Variants in DENND2A observed in about 807,000 individuals in gnomAD.
The protein encoded by DENND2A is DENN domain containing 2A, also known as DENN domain-containing protein 2A.
In DENND2A, 53 loss-of-function variants were observed where a neutral mutation model predicts 105.3. The observed-to-expected ratio is 0.50, with a 90% CI of 0.40 to 0.63. The LOEUF is 0.63. DENND2A is among the 30% of genes least tolerant of loss of function. The pLI is 0.00. For synonymous variants in DENND2A, 522 were observed against 508.4 expected (o/e 1.03, Z -0.36); for missense variants, 1,138 against 1,279.6 (o/e 0.89, Z 1.69).
chr7:140,617,092 A>G (rs1260381660), intron 1 of DENND2A, among the ~76,000 whole-genome samples: 1 of 152,190 alleles, frequency 6.6e-6, no homozygotes, highest in Non-Finnish European at 1.5e-5. Context: ...TCCCGACCTC[A>G]GGTGATCTGC....
rs1388040308 is a variant in DENND2A, at chr7:140,527,585, T to A, written c.2328-90A>T. The A allele has an allele frequency of 1.4e-5, 19 of 1,365,416 alleles. No homozygotes were observed. The highest frequency in any genetic ancestry group is 2.4e-5 in the Admixed American group (1 of 41,072). 84.6% of individuals were successfully genotyped at this position (1,365,416 alleles called of 1,614,324 possible). A position where few individuals can be genotyped will look rare whatever the true frequency, so the allele number is the denominator to read the frequency against. The stretch of plus-strand genomic sequence containing the variant: ...GAGAAGGCTCCTCCCAGAGACAGGA[T>A]GACTAGGAAAGGACACACGTGGATG... On this transcript the variant is annotated intron_variant, in intron 14 of 19. Coordinates refer to ENST00000496613, the MANE Select transcript of DENND2A (RefSeq NM_015689.5). The surrounding 1 kb of genome is among the most constrained non-coding windows in gnomAD (Gnocchi z 4.9).
At chr7:140,569,865 C>A in intron 6 of DENND2A, 127 bp from the exon 7 acceptor site, 2 of 675,188 alleles carry the variant, frequency 3.0e-6, no homozygotes, top group South Asian at 1.7e-5. Context: ...AGAAACTTCC[C>A]ATGGGCTCAT....
At chr7:140,569,847 G>C in intron 6 of DENND2A, 109 bp from the exon 7 acceptor site, 1 of 756,922 alleles carries the variant, frequency 1.3e-6, no homozygotes, top group South Asian at 1.5e-5. Context: ...AGGGCCAGGG[G>C]GAGTGGGAGA....
At chr7:140,576,801 G>A (rs1193830678) in intron 5 of DENND2A, among the ~76,000 whole-genome samples, 1 of 152,186 alleles carries the variant, frequency 6.6e-6, no homozygotes, top group Non-Finnish European at 1.5e-5. Flanking sequence ...ACAAAAAGAA[G>A]GAAGAGGGGC....
At chr7:140,570,029 G>T (rs1798028917) in intron 6 of DENND2A, among the ~76,000 whole-genome samples, 1 of 152,102 alleles carries the variant, frequency 6.6e-6, no homozygotes, top group Non-Finnish European at 1.5e-5. Context: ...TGAGTAGCTG[G>T]GATTACAGGT....
chr7:140,560,153 G>A lies in DENND2A; in HGVS notation c.1780-336C>T, dbSNP rs1416295534. Reference sequence around the variant, plus strand: ...GAGGCTCAGGAATCTGGAAGGCAGAGCCTCTAATCAGGCCTCTCTGTCTCT... The same window carrying A: ...GAGGCTCAGGAATCTGGAAGGCAGAACCTCTAATCAGGCCTCTCTGTCTCT... On this transcript the variant is annotated intron_variant, in intron 9 of 19. Coordinates refer to ENST00000496613, the MANE Select transcript of DENND2A (RefSeq NM_015689.5). Among the ~76,000 whole-genome samples the A allele has an allele frequency of 2.6e-5, 4 of 152,232 alleles. No individual in the cohort carries two copies. In the East Asian group the frequency reaches 7.7e-4, roughly 29 times the overall value.
chr7:140,543,177 G>A (rs981010705), intron 14 of DENND2A, among the ~76,000 whole-genome samples: 5 of 150,000 alleles, frequency 3.3e-5, no homozygotes, highest in East Asian at 2.0e-4. Context: ...GGAGTGCAGT[G>A]GCATGATCAT....
intron 1 of DENND2A, among the ~76,000 whole-genome samples, chr7:140,620,134 TGCATGGA>T (rs1460946412): frequency 2.0e-5 from 3 of 151,872 alleles, no homozygotes; most frequent in Non-Finnish European, 2.9e-5. Flanking sequence ...AGGCGGAGGT[TGCATGGA>T]GCCAAGATTG....
At chr7:140,631,233 G>A (rs781101113) in intron 1 of DENND2A, among the ~76,000 whole-genome samples, 59 of 151,908 alleles carry the variant, frequency 3.9e-4, no homozygotes, top group African/African-American at 1.3e-3. Context: ...GCCAGATTTC[G>A]GGGGTGTGGG....
chr7:140,521,768 C>A, intron 18 of DENND2A, 87 bp downstream of exon 18: 1 of 1,567,354 alleles, frequency 6.4e-7, no homozygotes, highest in Non-Finnish European at 8.7e-7. Context: ...TGTGCCCCTG[C>A]CCTGTGATCT....
At chr7:140,634,938 T>C (rs1800864329) in intron 1 of DENND2A, among the ~76,000 whole-genome samples, 1 of 148,446 alleles carries the variant, frequency 6.7e-6, no homozygotes, top group African/African-American at 2.5e-5. Context: ...CTCCAGCCTG[T>C]GTGACAGAGC....
chr7:140,573,859 G>C lies in DENND2A; in HGVS notation c.1395C>G (p.Phe465Leu), dbSNP rs754210561. ...CGTTCTGTGGGTCTCCAAGGTTAAAGAAAATGTCATCAGGGCTGCTGGGAG... is the reference window on the plus strand; with the variant it reads ...CGTTCTGTGGGTCTCCAAGGTTAAACAAAATGTCATCAGGGCTGCTGGGAG... ...PSTPSSPDDI[F>L]FNLGDPQNGR... Residue 465 changes from phenylalanine to leucine, a missense_variant, in exon 6 of 20, where the codon TTC (phenylalanine) becomes TTG (leucine). Around this residue, in one of 2 missense-constraint regions of DENND2A, gnomAD observed 627 missense variants for 779.8 expected, o/e 0.80. Coordinates refer to ENST00000496613, the MANE Select transcript of DENND2A (RefSeq NM_015689.5). The C allele has an allele frequency of 3.7e-6, 6 of 1,614,088 alleles. No homozygotes were observed. In the East Asian group the frequency reaches 1.3e-4, roughly 36 times the overall value.
rs967844138 is a variant in DENND2A, at chr7:140,559,741, G to A, written c.1856C>T (p.Ala619Val). The change falls in exon 10 of 20, where the codon GCC becomes GTC. Residue 619 changes from alanine (A) to valine (V), a missense_variant. Coordinates refer to ENST00000496613, the MANE Select transcript of DENND2A (RefSeq NM_015689.5). The surrounding 1 kb of genome is among the most constrained non-coding windows in gnomAD (Gnocchi z 4.1). ...KAIPQFCFPDAKDWVPVQQFT... is the reference protein window; with the variant it reads ...KAIPQFCFPDVKDWVPVQQFT... Reference sequence around the variant, plus strand: ...CTGCTGGACAGGAACCCAATCCTTGGCATCGGGAAAACAGAACTGGGGAAT... The same window carrying A: ...CTGCTGGACAGGAACCCAATCCTTGACATCGGGAAAACAGAACTGGGGAAT... The A allele has an allele frequency of 5.0e-6, 8 of 1,614,122 alleles. No individual in the cohort carries two copies. The highest frequency in any genetic ancestry group is 1.1e-5 in the South Asian group (1 of 91,074).
intron 8 of DENND2A, among the ~76,000 whole-genome samples, chr7:140,567,805 C>T (rs1370853361): frequency 6.6e-6 from 1 of 152,186 alleles, no homozygotes; most frequent in Non-Finnish European, 1.5e-5. Flanking sequence ...TGTCCACCTC[C>T]CCTCCTGCCA....
At chr7:140,578,347 C>G (rs1798394794) in intron 5 of DENND2A, among the ~76,000 whole-genome samples, 1 of 152,106 alleles carries the variant, frequency 6.6e-6, no homozygotes, top group Non-Finnish European at 1.5e-5. Context: ...TCAATTCCTT[C>G]CAGTCCTCTA....
chr7:140,620,667 G>A (rs570152484), intron 1 of DENND2A, among the ~76,000 whole-genome samples: 2 of 152,318 alleles, frequency 1.3e-5, no homozygotes, highest in Admixed American at 6.5e-5. Context: ...TTGCAGCCAC[G>A]ACCACAGCTG....
chr7:140,547,393 G>T (rs1399232488), intron 12 of DENND2A, among the ~76,000 whole-genome samples: 1 of 152,112 alleles, frequency 6.6e-6, no homozygotes, highest in Admixed American at 6.6e-5. Flanking sequence ...CATGGGAGGG[G>T]ATAGCCATCA....
Position 140,587,638 on chromosome 7 carries a change from G to A in DENND2A, c.1123+15C>T, listed in dbSNP as rs754319459. On this transcript the variant is annotated intron_variant, in intron 4 of 19. Transcript: ENST00000496613. The stretch of plus-strand genomic sequence containing the variant: ...GACAGACTCAGATCCGCACACAGAC[G>A]CTGTGGCTTCTTACCTAGAATGTCT... The A allele has an allele frequency of 1.1e-5, 18 of 1,612,828 alleles. No homozygotes were observed. The highest frequency in any genetic ancestry group is 6.7e-5 in the Admixed American group (4 of 59,942).
intron 14 of DENND2A, 147 bp downstream of exon 14, chr7:140,544,471 A>T: frequency 1.0e-6 from 1 of 1,001,750 alleles, no homozygotes; most frequent in South Asian, 1.4e-5. Context: ...CTGAGATTAC[A>T]GGTGTGAGTC....
Sources: allele counts gnomAD v4.1 joint callset (sites outside exome capture counted in the v4.1 genomes callset), GRCh38; gene constraint gnomAD v4.1.1; regional missense constraint gnomAD v4.1.1; non-coding constraint Gnocchi (gnomAD v3.1); transcripts MANE v1.5; gene names NCBI Gene and HGNC (gene_info 2026-07-23, HGNC 2026-07-21).